SV2C: variants seen among roughly 807,000 people sequenced by gnomAD.
The protein encoded by SV2C is solute carrier family 22 member B3.
SV2C carries 49 observed loss-of-function variants against 79.7 expected under a neutral mutation model. That is an observed-to-expected ratio of 0.61 (90% confidence interval 0.49 to 0.78). The LOEUF (loss-of-function observed/expected upper bound fraction) is 0.78. SV2C is among the 30% of genes least tolerant of loss of function. SV2C has a pLI of 0.00. For synonymous variants in SV2C, 334 were observed against 333.2 expected (o/e 1.00, Z -0.03); for missense variants, 833 against 912.9 (o/e 0.91, Z 1.13).
At chr5:76,165,141 T>G (rs764628987) in intron 2 of SV2C, among the ~76,000 whole-genome samples, 2 of 152,248 alleles carry the variant, frequency 1.3e-5, no homozygotes, top group East Asian at 3.9e-4. Context: ...TGTGTGTTTA[T>G]GTGTGTGTGA....
intron 11 of SV2C, among the ~76,000 whole-genome samples, 158 bp downstream of exon 11, chr5:76,301,090 A>G (rs149552134): frequency 3.3e-4 from 51 of 152,392 alleles, no homozygotes; most frequent in African/African-American, 1.1e-3. Context: ...ATTATGTCTA[A>G]TTACATTTCA....
intron 3 of SV2C, among the ~76,000 whole-genome samples, chr5:76,207,239 T>C (rs1484080038): frequency 3.3e-5 from 5 of 151,994 alleles, no homozygotes; most frequent in African/African-American, 9.7e-5. Context: ...GTCTGGCATA[T>C]CCTGACATAC....
At chr5:75,989,446 C>G in the SV2C span, among the ~76,000 whole-genome samples, 1 of 152,002 alleles carries the variant, frequency 6.6e-6, no homozygotes, top group African/African-American at 2.4e-5. Context: ...ATTTATGTCC[C>G]TGCAAAGGAT....
At chr5:76,247,124 C>T (rs1162686269) in intron 4 of SV2C, among the ~76,000 whole-genome samples, 1 of 152,202 alleles carries the variant, frequency 6.6e-6, no homozygotes, top group African/African-American at 2.4e-5. Context: ...CCCAGAGTGT[C>T]CTAGTTCCCT....
intron 3 of SV2C, among the ~76,000 whole-genome samples, chr5:76,208,467 A>G (rs759240127): frequency 6.6e-6 from 1 of 152,226 alleles, no homozygotes; most frequent in Non-Finnish European, 1.5e-5. Flanking sequence ...AAATGGTGCC[A>G]TATTTTCACC....
rs1430839001 is a variant in SV2C, at chr5:76,291,271, G to A, written c.1188G>A (p.Glu396=). The A allele has an allele frequency of 6.2e-7, 1 of 1,613,436 alleles. No homozygotes were observed. The highest frequency in any genetic ancestry group is 8.5e-7 in the Non-Finnish European group (1 of 1,179,724). ...AAATAGATGAGCTGATTGAAATTGAGAGTGACACAGGAACATGGTATAGGA... is the reference window on the plus strand; with the variant it reads ...AAATAGATGAGCTGATTGAAATTGAAAGTGACACAGGAACATGGTATAGGA... ...PKQIDELIEI[E]SDTGTWYRRC... Residue 396 remains glutamate (E), a synonymous_variant, in exon 7 of 13, where the codon GAG becomes GAA. Coordinates refer to ENST00000502798, the MANE Select transcript of SV2C (RefSeq NM_014979.4).
intron 12 of SV2C, among the ~76,000 whole-genome samples, chr5:76,315,539 C>A (rs1748593229): frequency 1.3e-5 from 2 of 152,060 alleles, no homozygotes; most frequent in African/African-American, 4.8e-5. Flanking sequence ...AGCTCCACTC[C>A]CCCAGAGGTG....
At chr5:75,993,683 G>A in the SV2C span, among the ~76,000 whole-genome samples, 2 of 152,046 alleles carry the variant, frequency 1.3e-5, no homozygotes, top group Non-Finnish European at 2.9e-5. Flanking sequence ...ACCTGAGTTT[G>A]CATCCTTGTT....
the SV2C span, among the ~76,000 whole-genome samples, chr5:76,039,870 T>A: frequency 1.3e-5 from 2 of 152,008 alleles, no homozygotes; most frequent in African/African-American, 2.4e-5. Context: ...GCCCTTTCCA[T>A]ATGGATAGAT....
At chr5:76,137,736 G>A (rs769924390) in intron 2 of SV2C, among the ~76,000 whole-genome samples, 142 of 152,178 alleles carry the variant, frequency 9.3e-4, no homozygotes, top group Non-Finnish European at 7.2e-4. Flanking sequence ...TTTCCCTTCA[G>A]AACCAGTAGC....
the SV2C span, among the ~76,000 whole-genome samples, chr5:75,887,825 C>A: frequency 6.6e-6 from 1 of 152,122 alleles, no homozygotes. Flanking sequence ...TTAAAAATCT[C>A]CAAATCCTGA....
chr5:76,143,149 C>T (rs560615752), intron 2 of SV2C, among the ~76,000 whole-genome samples: 1 of 152,240 alleles, frequency 6.6e-6, no homozygotes, highest in East Asian at 1.9e-4. Flanking sequence ...CTGCCTTGGC[C>T]TCCCAAAGTG....
chr5:76,022,721 A>G, the SV2C span, among the ~76,000 whole-genome samples: 2 of 152,228 alleles, frequency 1.3e-5, no homozygotes, highest in Admixed American at 1.3e-4. Flanking sequence ...GTCGATAGAC[A>G]TGTTTAGAAT....
the SV2C span, among the ~76,000 whole-genome samples, chr5:75,899,714 G>A: frequency 1.3e-5 from 2 of 152,070 alleles, no homozygotes; most frequent in Admixed American, 6.6e-5. Context: ...TCTCTTTGTA[G>A]GTCACTCAGG....
At chr5:75,883,097 C>T in the SV2C span, among the ~76,000 whole-genome samples, 4 of 144,200 alleles carry the variant, frequency 2.8e-5, no homozygotes, top group South Asian at 2.3e-4. Context: ...AAAATGCTCA[C>T]CATCACTGGC....
chr5:76,245,124 G>T (rs1435406367), intron 4 of SV2C, among the ~76,000 whole-genome samples: 1 of 152,114 alleles, frequency 6.6e-6, no homozygotes, highest in Non-Finnish European at 1.5e-5. Context: ...TCTTCAGTTT[G>T]CCCTTCTATG....
chr5:76,015,795 C>A, the SV2C span, among the ~76,000 whole-genome samples: 2 of 151,998 alleles, frequency 1.3e-5, no homozygotes, highest in African/African-American at 4.8e-5. Flanking sequence ...TTTACTCAAA[C>A]TTTTAAAATG....
chr5:76,347,829 A>G (rs1160929143), intron 12 of SV2C, among the ~76,000 whole-genome samples: 1 of 152,128 alleles, frequency 6.6e-6, no homozygotes, highest in Non-Finnish European at 1.5e-5. Context: ...GAGTTCCCAA[A>G]TATCCCCTGC....
At chr5:75,894,122 C>G in the SV2C span, among the ~76,000 whole-genome samples, 1 of 151,998 alleles carries the variant, frequency 6.6e-6, no homozygotes, top group African/African-American at 2.4e-5. Flanking sequence ...ATTATACAGA[C>G]AGATTGGAGA....
Sources: allele counts gnomAD v4.1 joint callset (sites outside exome capture counted in the v4.1 genomes callset), GRCh38; gene constraint gnomAD v4.1.1; transcripts MANE v1.5; gene names NCBI Gene and HGNC (gene_info 2026-07-23, HGNC 2026-07-21).